PXDNL: variants seen among roughly 807,000 people sequenced by gnomAD.
PXDNL encodes the protein probable oxidoreductase PXDNL.
Under a neutral mutation model 150.8 loss-of-function variants are expected in PXDNL, and 145 were observed. That is an observed-to-expected ratio of 0.96 (90% CI 0.84 to 1.10). The LOEUF (loss-of-function observed/expected upper bound fraction) is 1.10. Among genes scored for constraint, PXDNL ranks in the 50% least tolerant of loss-of-function variants. PXDNL has a pLI of 0.00. For synonymous variants in PXDNL, 757 were observed against 725.7 expected, an observed-to-expected ratio of 1.04 and a Z score of -0.69; for missense variants, 2,087 against 1,873.9, an observed-to-expected ratio of 1.11 and a Z score of -2.10.
At chr8:51,474,077 T>G (rs1810416808) in intron 7 of PXDNL, among the ~76,000 whole-genome samples, 1 of 152,186 alleles carries the variant, frequency 6.6e-6, no homozygotes, top group African/African-American at 2.4e-5. Context: ...CAAGTCAATT[T>G]TCTTGTCAAT....
At chr8:51,342,304 T>C (rs915105769) in intron 20 of PXDNL, among the ~76,000 whole-genome samples, 1 of 152,002 alleles carries the variant, frequency 6.6e-6, no homozygotes, top group Non-Finnish European at 1.5e-5. Flanking sequence ...ATGACCTATA[T>C]TCATCAGAAT....
Position 51,809,394 on chromosome 8 carries a change from C to G in PXDNL, c.-50G>C. On this transcript the variant is annotated 5_prime_UTR_variant, in exon 1 of 23. Transcript: ENST00000356297. ...GAAGAAGCAGCCGGAGGGAGAGCAG[C>G]AGCTGCAGCTGCAGCAGCAACCGCA... is the stretch of plus-strand genomic sequence containing the variant. 6.8e-7 allele frequency: 1 copy of G among 1,467,370 alleles called. No individual in the cohort carries two copies. Among genetic ancestry groups the G allele is most frequent in the Non-Finnish European group, 9.0e-7 (1 of 1,105,844 alleles). 90.9% of individuals were successfully genotyped at this position (1,467,370 alleles called of 1,614,324 possible). A position where few individuals can be genotyped will look rare whatever the true frequency, so the allele number is the denominator to read the frequency against.
chr8:51,744,996 G>GAAAA (rs2036967234), intron 1 of PXDNL, among the ~76,000 whole-genome samples: 1 of 1,458 alleles, frequency 6.9e-4, no homozygotes, highest in Non-Finnish European at 3.4e-3. Context: ...AAGAAAGGGA[G>GAAAA]GGAGGGAAGA....
intron 17 of PXDNL, among the ~76,000 whole-genome samples, chr8:51,375,010 A>T (rs1295235035): frequency 6.6e-6 from 1 of 152,166 alleles, no homozygotes; most frequent in Non-Finnish European, 1.5e-5. Flanking sequence ...TTCTCTAAAC[A>T]TATGGAGTAT....
intron 3 of PXDNL, among the ~76,000 whole-genome samples, chr8:51,571,975 C>G (rs1479140488): frequency 6.6e-6 from 1 of 151,782 alleles, no homozygotes; most frequent in Non-Finnish European, 1.5e-5. Context: ...CCCTTTATGA[C>G]AGTGCAATAG....
intron 4 of PXDNL, among the ~76,000 whole-genome samples, chr8:51,508,539 C>T (rs1563443609): frequency 6.6e-6 from 1 of 152,212 alleles, no homozygotes. Flanking sequence ...CCTCAATGGG[C>T]CTCCTGCTCA....
intron 17 of PXDNL, among the ~76,000 whole-genome samples, chr8:51,405,221 C>A (rs1047176429): frequency 6.6e-6 from 1 of 152,194 alleles, no homozygotes; most frequent in Admixed American, 6.5e-5. Flanking sequence ...CAGAAAGGGG[C>A]TCCCACAGTG....
chr8:51,361,937 C>CAAAAAAAAAAAAAA lies in PXDNL; in HGVS notation c.3901+9922_3901+9935dup, dbSNP rs57092440. Reference sequence around the variant, plus strand: ...TGGGCAACAGAGTGAGATTCCATCTCAAAAAAAAAAAAAAAAAAAAAAAAA... The same window carrying CAAAAAAAAAAAAAA: ...TGGGCAACAGAGTGAGATTCCATCTCAAAAAAAAAAAAAAAAAAAAAAAAAAAAAAAAAAAAAAA... On this transcript the variant is annotated intron_variant, in intron 19 of 22. Transcript: ENST00000356297. Among the ~76,000 whole-genome samples, 311 of 58,086 alleles carry CAAAAAAAAAAAAAA rather than the reference C, an allele frequency of 5.4e-3. 1 individual carries two copies. The highest frequency in any genetic ancestry group is 0.023 in the Middle Eastern group (1 of 44). 38.1% of individuals were successfully genotyped at this position (58,086 alleles called of 152,430 possible).
intron 2 of PXDNL, among the ~76,000 whole-genome samples, chr8:51,596,003 C>T (rs188259122): frequency 7.8e-4 from 118 of 152,200 alleles, no homozygotes; most frequent in African/African-American, 2.6e-3. Context: ...CCCATCACCC[C>T]GGTACTGAGA....
intron 5 of PXDNL, among the ~76,000 whole-genome samples, chr8:51,484,812 C>A (rs1039058296): frequency 6.6e-6 from 1 of 152,182 alleles, no homozygotes; most frequent in Non-Finnish European, 1.5e-5. Context: ...CCATTCCCCT[C>A]ATTATGACCA....
At chr8:51,784,931 T>C (rs926916464) in intron 1 of PXDNL, among the ~76,000 whole-genome samples, 1 of 152,170 alleles carries the variant, frequency 6.6e-6, no homozygotes, top group Admixed American at 6.5e-5. Context: ...ATATATAGGT[T>C]TTGCTTATTG....
chr8:51,685,979 G>A (rs1390780024), intron 1 of PXDNL, among the ~76,000 whole-genome samples: 1 of 152,186 alleles, frequency 6.6e-6, no homozygotes, highest in Admixed American at 6.5e-5. Flanking sequence ...CATCGATTTA[G>A]ATATTCAAAT....
intron 19 of PXDNL, among the ~76,000 whole-genome samples, chr8:51,350,597 C>A (rs527251992): frequency 1.3e-5 from 2 of 151,874 alleles, no homozygotes; most frequent in African/African-American, 2.4e-5. Context: ...TCAGGTGATC[C>A]GCCCACCTCG....
intron 2 of PXDNL, among the ~76,000 whole-genome samples, chr8:51,620,253 A>G (rs902095868): frequency 1.3e-5 from 2 of 152,198 alleles, no homozygotes; most frequent in African/African-American, 2.4e-5. Context: ...CATATCTTTT[A>G]GATATCCCAA....
At chr8:51,530,455 T>A (rs1391230517) in intron 4 of PXDNL, among the ~76,000 whole-genome samples, 1 of 152,120 alleles carries the variant, frequency 6.6e-6, no homozygotes, top group Admixed American at 6.5e-5. Flanking sequence ...GCCAGAATGA[T>A]CCTTTCAAAC....
chr8:51,772,235 T>C (rs546085894), intron 1 of PXDNL, among the ~76,000 whole-genome samples: 4 of 107,258 alleles, frequency 3.7e-5, no homozygotes, highest in Admixed American at 8.5e-5. Flanking sequence ...TCTCTCTCTA[T>C]ATACACACAC....
At chr8:51,779,548 A>C (rs1339906836) in intron 1 of PXDNL, among the ~76,000 whole-genome samples, 6 of 152,206 alleles carry the variant, frequency 3.9e-5, no homozygotes, top group Non-Finnish European at 5.9e-5. Context: ...ACCTGGAGAA[A>C]GCCTGTGCCC....
intron 1 of PXDNL, among the ~76,000 whole-genome samples, chr8:51,663,128 C>T (rs1815309274): frequency 6.6e-6 from 1 of 152,162 alleles, no homozygotes; most frequent in South Asian, 2.1e-4. Flanking sequence ...GAAGTTAAGA[C>T]CCAGAACATC....
Position 51,399,862 on chromosome 8 carries a change from T to C in PXDNL, c.3557+8205A>G, listed in dbSNP as rs534736743. Reference sequence around the variant, plus strand: ...TAGAATTTAGAAGTGAAATAAAGCATAAAGTTTTCTATAAAATATTTGCTA... The same window carrying C: ...TAGAATTTAGAAGTGAAATAAAGCACAAAGTTTTCTATAAAATATTTGCTA... On this transcript the variant is annotated intron_variant, in intron 17 of 22. Transcript: ENST00000356297. 7.9e-5 allele frequency among the ~76,000 whole-genome samples: 12 copies of C among 152,314 alleles called. No homozygotes were observed. In the East Asian group the frequency reaches 2.1e-3, roughly 27 times the overall value.
Sources: allele counts gnomAD v4.1 joint callset (sites outside exome capture counted in the v4.1 genomes callset), GRCh38; gene constraint gnomAD v4.1.1; transcripts MANE v1.5; gene names NCBI Gene and HGNC (gene_info 2026-07-23, HGNC 2026-07-21).